Variants in ZMIZ1 observed in about 807,000 individuals in gnomAD.
ZMIZ1 encodes the protein zinc finger MIZ-type containing 1, also known as zinc finger MIZ domain-containing protein 1.
ZMIZ1 carries 17 observed loss-of-function variants against 113.9 expected under a neutral mutation model. The observed-to-expected ratio is 0.15, with a 90% CI of 0.10 to 0.22. The LOEUF is 0.22. Among genes scored for constraint, ZMIZ1 ranks in the 10% least tolerant of loss-of-function variants. The pLI is 1.00. For missense variants in ZMIZ1, 1,059 were observed against 1,477.8 expected (o/e 0.72, Z 4.65); for synonymous variants, 607 against 603.1 (o/e 1.01, Z -0.09).
intron 7 of ZMIZ1, among the ~76,000 whole-genome samples, chr10:79,224,267 C>T (rs1446597329): frequency 6.6e-6 from 1 of 152,130 alleles, no homozygotes; most frequent in Non-Finnish European, 1.5e-5. Context: ...CGGAGGGTGA[C>T]TCTTTTCTTT....
At chr10:79,122,281 A>C (rs1378643862) in intron 2 of ZMIZ1, among the ~76,000 whole-genome samples, 1 of 152,074 alleles carries the variant, frequency 6.6e-6, no homozygotes, top group Admixed American at 6.5e-5. Context: ...GCCAGCATCT[A>C]GCTTATCCCA....
rs1323170216 is a variant in ZMIZ1 at position 79,315,604 on chromosome 10, A to AT, written c.*2856dup. ...TCTTGGTTTGAAGCTTTATCCATGT[A>AT]TCATGTTCCGTGTAGCCATTTTATT... On this transcript the variant is annotated 3_prime_UTR_variant, in exon 25 of 25. Coordinates refer to ENST00000334512, the MANE Select transcript of ZMIZ1 (RefSeq NM_020338.4). 6.5e-6 allele frequency: 1 copy of AT among 152,786 alleles called. No individual in the cohort carries two copies. Among genetic ancestry groups the AT allele is most frequent in the African/African-American group, 2.4e-5 (1 of 41,456 alleles). The allele number at this position is 152,786 out of a possible 1,614,324, so 9.5% of individuals were successfully genotyped here.
intron 7 of ZMIZ1, among the ~76,000 whole-genome samples, chr10:79,235,641 T>C (rs1007303251): frequency 8.5e-5 from 13 of 152,200 alleles, no homozygotes; most frequent in Admixed American, 8.5e-4. Context: ...ATGCATGTGA[T>C]TCCCACAGTA....
chr10:79,145,139 A>G (rs1024978882), intron 3 of ZMIZ1, among the ~76,000 whole-genome samples: 1 of 142,396 alleles, frequency 7.0e-6, no homozygotes, highest in Non-Finnish European at 1.5e-5. Context: ...CCTTCTCTGT[A>G]TCTTCTTTCT....
intron 1 of ZMIZ1, among the ~76,000 whole-genome samples, chr10:79,100,780 G>A (rs552075097): frequency 1.0e-3 from 152 of 152,338 alleles, no homozygotes; most frequent in African/African-American, 3.5e-3. Context: ...CTGGTAGGGG[G>A]TGAGGATGGT....
intron 8 of ZMIZ1, 95 bp downstream of exon 8, chr10:79,277,420 CA>C: frequency 7.0e-7 from 1 of 1,426,098 alleles, no homozygotes; most frequent in Non-Finnish European, 9.2e-7. Context: ...GGCCTCTGTG[CA>C]ACCATGAGGA....
intron 7 of ZMIZ1, among the ~76,000 whole-genome samples, chr10:79,268,315 T>A (rs992134124): frequency 3.3e-5 from 5 of 152,072 alleles, no homozygotes; most frequent in Non-Finnish European, 7.4e-5. Flanking sequence ...CAGTTGTAGG[T>A]TTTATTTGAG....
At chr10:79,271,266 CTGT>C (rs1291690424) in intron 7 of ZMIZ1, among the ~76,000 whole-genome samples, 6 of 152,234 alleles carry the variant, frequency 3.9e-5, no homozygotes, top group Non-Finnish European at 5.9e-5. Flanking sequence ...CAGGACCATC[CTGT>C]TGTTCTCTTC....
chr10:79,077,506 T>C (rs1842514572), intron 1 of ZMIZ1, among the ~76,000 whole-genome samples: 2 of 150,420 alleles, frequency 1.3e-5, no homozygotes, highest in Non-Finnish European at 3.0e-5. Flanking sequence ...AGGGGTGGGG[T>C]TTTCCATCGA....
chr10:79,096,794 G>A (rs1326608630), intron 1 of ZMIZ1, among the ~76,000 whole-genome samples: 2 of 152,192 alleles, frequency 1.3e-5, no homozygotes, highest in African/African-American at 4.8e-5. Context: ...GCCAAAGAGA[G>A]AAACCAGGTA....
chr10:79,073,882 C>T (rs1225506440), intron 1 of ZMIZ1, among the ~76,000 whole-genome samples: 1 of 152,090 alleles, frequency 6.6e-6, no homozygotes, highest in Non-Finnish European at 1.5e-5. Flanking sequence ...GAGTGTCCAC[C>T]CTGTGGATAA....
chr10:79,243,574 C>A (rs562483759), intron 7 of ZMIZ1: 6 of 147,240 alleles, frequency 4.1e-5, no homozygotes, highest in Admixed American at 2.7e-4. Context: ...GCCGCCGCCG[C>A]CGCCGGGGCG....
intron 7 of ZMIZ1, among the ~76,000 whole-genome samples, chr10:79,266,567 C>T (rs1851619375): frequency 6.6e-6 from 1 of 152,170 alleles, no homozygotes; most frequent in African/African-American, 2.4e-5. Flanking sequence ...AAGGGGTGCC[C>T]CATCTTACAG....
At chr10:79,225,898 C>T (rs776275526) in intron 7 of ZMIZ1, among the ~76,000 whole-genome samples, 34 of 152,166 alleles carry the variant, frequency 2.2e-4, no homozygotes, top group Non-Finnish European at 4.4e-4. Context: ...TCTGCCTTCA[C>T]GGCTGCAGGA....
In ZMIZ1 at chr10:79,314,783, C is replaced by T. The variant is rs529786568; in HGVS notation, c.*2034C>T. On this transcript the variant is annotated 3_prime_UTR_variant, in exon 25 of 25. Coordinates refer to ENST00000334512, the MANE Select transcript of ZMIZ1 (RefSeq NM_020338.4). ...GCTGGGAGTTGGAAGACCGGGCAGC[C>T]CGCTATTTAGAGCCATCCCTCAGTC... 1.3e-5 allele frequency: 2 copies of T among 156,882 alleles called. No homozygotes were observed. The highest frequency in any genetic ancestry group is 4.8e-5 in the African/African-American group (2 of 41,558). 9.7% of individuals were successfully genotyped at this position (156,882 alleles called of 1,614,324 possible). A position where few individuals can be genotyped will look rare whatever the true frequency, so the allele number is the denominator to read the frequency against.
At chr10:79,132,214 C>T (rs750675186) in intron 2 of ZMIZ1, among the ~76,000 whole-genome samples, 32 of 152,280 alleles carry the variant, frequency 2.1e-4, no homozygotes, top group East Asian at 9.7e-4. Context: ...CTTTAGAGGC[C>T]GGCAGACTGA....
intron 6 of ZMIZ1, among the ~76,000 whole-genome samples, chr10:79,211,994 G>A (rs1005525187): frequency 1.3e-5 from 2 of 152,310 alleles, no homozygotes; most frequent in South Asian, 4.1e-4. Flanking sequence ...CCCGCCCCCT[G>A]CCAGTAATGG....
rs148651385 is a variant in ZMIZ1 at position 79,126,965 on chromosome 10, C to T, written c.-227+7941C>T. On this transcript the variant is annotated intron_variant, in intron 2 of 24. Transcript: ENST00000334512. Reference sequence around the variant, plus strand: ...TCTGGGGTTTGCCAGGCTGGACCAACCTGAGAGGATGAGGGATTAGGTCCC... The same window carrying T: ...TCTGGGGTTTGCCAGGCTGGACCAATCTGAGAGGATGAGGGATTAGGTCCC... Among the ~76,000 whole-genome samples, 710 of 152,276 alleles carry T rather than the reference C, an allele frequency of 4.7e-3. 4 individuals carry two copies. Among genetic ancestry groups the T allele is most frequent in the Non-Finnish European group, 8.4e-3 (574 of 68,010 alleles).
At chr10:79,219,036 C>T (rs947418449) in intron 7 of ZMIZ1, among the ~76,000 whole-genome samples, 1 of 140,404 alleles carries the variant, frequency 7.1e-6, no homozygotes, top group Admixed American at 7.3e-5. Flanking sequence ...ACAGATTGCA[C>T]GGGGGGTGGG....
Sources: allele counts gnomAD v4.1 joint callset (sites outside exome capture counted in the v4.1 genomes callset), GRCh38; gene constraint gnomAD v4.1.1; transcripts MANE v1.5; gene names NCBI Gene and HGNC (gene_info 2026-07-23, HGNC 2026-07-21).